The following UBE3B variants were observed in gnomAD, a reference collection of about 807,000 sequenced individuals.
UBE3B encodes the protein ubiquitin protein ligase E3B, also known as ubiquitin-protein ligase E3B.
UBE3B carries 80 observed loss-of-function variants against 132.3 expected under a neutral mutation model. The observed-to-expected ratio is 0.60, with a 90% CI of 0.50 to 0.73. The LOEUF (loss-of-function observed/expected upper bound fraction) is 0.73, where lower values mean the gene tolerates loss of function less well. UBE3B is among the 30% of genes least tolerant of loss of function. The pLI is 0.00. For synonymous variants in UBE3B, 487 were observed against 520.4 expected, an observed-to-expected ratio of 0.94 and a Z score of 0.87; for missense variants, 1,196 against 1,362.5, an observed-to-expected ratio of 0.88 and a Z score of 1.92.
rs762004822 is a variant in UBE3B, at chr12:109,483,892, G to A, written c.193G>A (p.Asp65Asn). 1.9e-6 allele frequency: 3 copies of A among 1,613,402 alleles called. No homozygotes were observed. ...REIDDFFKAD[D>N]PESTKRSALC... ...GATTGATGACTTTTTTAAAGCAGAT[G>A]ACCCTGAGTCCACTAAAAGAAGTGC... Residue 65 changes from aspartate to asparagine, a missense_variant, in exon 4 of 28, where the codon GAC becomes AAC. Coordinates refer to ENST00000342494, the MANE Select transcript of UBE3B (RefSeq NM_130466.4).
chr12:109,501,684 C>T (rs1464163072), intron 13 of UBE3B, 150 bp downstream of exon 13: 15 of 998,016 alleles, frequency 1.5e-5, no homozygotes, highest in Non-Finnish European at 1.7e-5. Flanking sequence ...CAGAGTCTCA[C>T]TGTATTGCCC....
intron 2 of UBE3B, among the ~76,000 whole-genome samples, chr12:109,482,123 C>A (rs780086334): frequency 1.3e-5 from 2 of 152,026 alleles, no homozygotes; most frequent in South Asian, 4.1e-4. Context: ...TTCAATAACA[C>A]GTAATTAATT....
Position 109,521,691 on chromosome 12 carries a change from T to C in UBE3B, c.2364+140T>C, listed in dbSNP as rs1881736752. 2.8e-6 allele frequency: 2 copies of C among 708,834 alleles called. No homozygotes were observed. The highest frequency in any genetic ancestry group is 3.6e-5 in the African/African-American group (2 of 56,334). 43.9% of individuals were successfully genotyped at this position (708,834 alleles called of 1,614,324 possible). On this transcript the variant is annotated intron_variant, in intron 21 of 27. Coordinates refer to ENST00000342494, the MANE Select transcript of UBE3B (RefSeq NM_130466.4). The surrounding 1 kb of genome is among the most constrained non-coding windows in gnomAD (Gnocchi z 4.2). Reference sequence around the variant, plus strand: ...GCGAGGACAGGGGCAGGAACCAAGGTTTGTTGTACACCAGTGCTAGGTACT... The same window carrying C: ...GCGAGGACAGGGGCAGGAACCAAGGCTTGTTGTACACCAGTGCTAGGTACT...
chr12:109,532,833 A>T (rs1451768146), intron 26 of UBE3B, among the ~76,000 whole-genome samples: 1 of 152,108 alleles, frequency 6.6e-6, no homozygotes, highest in South Asian at 2.1e-4. Context: ...CAGTGTGCTG[A>T]GAGGTTATTA....
intron 1 of UBE3B, among the ~76,000 whole-genome samples, chr12:109,480,288 T>C (rs1875151590): frequency 6.6e-6 from 1 of 151,832 alleles, no homozygotes; most frequent in Non-Finnish European, 1.5e-5. Flanking sequence ...CCTCCATAGG[T>C]ACCTGATAAG....
In UBE3B at chr12:109,530,677, A is replaced by G. The variant is rs774829351; in HGVS notation, c.2922+19A>G. ...TCTGAAGGTATTTTATTTATTACCTATGCATGCATGCATGTATTCTCATAA... is the reference window on the plus strand; with the variant it reads ...TCTGAAGGTATTTTATTTATTACCTGTGCATGCATGCATGTATTCTCATAA... On this transcript the variant is annotated intron_variant, in intron 26 of 27. Coordinates refer to ENST00000342494, the MANE Select transcript of UBE3B (RefSeq NM_130466.4). The G allele has an allele frequency of 1.8e-5, 28 of 1,589,114 alleles. No individual in the cohort carries two copies. Among genetic ancestry groups the G allele is most frequent in the Non-Finnish European group, 2.2e-5 (26 of 1,157,812 alleles).
rs138717457 is a variant in UBE3B, at chr12:109,510,424, C to T, written c.1822C>T (p.Arg608Trp). 5.6e-5 allele frequency: 91 copies of T among 1,612,764 alleles called. 1 individual carries two copies. The African/African-American group carries it at 7.6e-4, about 13-fold the overall frequency. ...GGTGCTGTACGAGCGGGACTGCCGG[C>T]GGCGCTTCACCCCCGAGGACCACTG... is the stretch of plus-strand genomic sequence containing the variant. ...LMVLYERDCR[R>W]RFTPEDHWLR... The change falls in exon 17 of 28, where the codon CGG becomes TGG. Residue 608 changes from arginine to tryptophan, a missense_variant. Coordinates refer to ENST00000342494, the MANE Select transcript of UBE3B (RefSeq NM_130466.4).
intron 18 of UBE3B, 77 bp from the exon 19 acceptor site, chr12:109,516,688 G>C: frequency 6.4e-7 from 1 of 1,572,344 alleles, no homozygotes; most frequent in Non-Finnish European, 8.6e-7. Flanking sequence ...TTCAGTTTCA[G>C]TCATTTTTGC....
the UBE3B span, among the ~76,000 whole-genome samples, chr12:109,544,671 G>A: frequency 6.6e-6 from 1 of 152,276 alleles, no homozygotes; most frequent in Admixed American, 6.5e-5. Context: ...ACTCTTGGGT[G>A]TCACTGGGGA....
At chr12:109,546,250 TG>T in the UBE3B span, among the ~76,000 whole-genome samples, 1 of 152,084 alleles carries the variant, frequency 6.6e-6, no homozygotes, top group Non-Finnish European at 1.5e-5. Context: ...CAGGGGCCCC[TG>T]GTGAATAGGC....
downstream of UBE3B, among the ~76,000 whole-genome samples, chr12:109,540,613 C>G (rs926481229): frequency 6.6e-6 from 1 of 152,214 alleles, no homozygotes; most frequent in African/African-American, 2.4e-5. Context: ...AAGGAAGACA[C>G]TTGTCGGAAT....
intron 14 of UBE3B, 62 bp from the exon 15 acceptor site, chr12:109,507,502 G>A: frequency 6.5e-7 from 1 of 1,548,600 alleles, no homozygotes; most frequent in Non-Finnish European, 8.7e-7. Flanking sequence ...CACTGGATAG[G>A]AGAAATAACA....
At chr12:109,531,496 T>G (rs924502934) in intron 26 of UBE3B, among the ~76,000 whole-genome samples, 1 of 152,248 alleles carries the variant, frequency 6.6e-6, no homozygotes, top group Non-Finnish European at 1.5e-5. Flanking sequence ...ATTTAGTGCC[T>G]TGAAATGTTT....
chr12:109,483,960 C>T lies in UBE3B; in HGVS notation c.261C>T (p.Phe87=). 6.2e-7 allele frequency: 1 copy of T among 1,613,738 alleles called. No homozygotes were observed. Among genetic ancestry groups the T allele is most frequent in the South Asian group, 1.1e-5 (1 of 90,914 alleles). Residue 87 remains phenylalanine (F), a synonymous_variant, in exon 4 of 28, where the codon TTC becomes TTT. Transcript: ENST00000342494. ...FKIARKLLFL[F]RIKEDNERFE... ...TTGCCAGGAAACTGCTGTTCCTATT[C>T]AGAATCAAAGAGGATAATGAGGTAA... is the stretch of plus-strand genomic sequence containing the variant.
At position 109,524,007 on chromosome 12, in the gene UBE3B, C is replaced by T; in HGVS notation, c.2394C>T (p.Ser798=). 1 of 1,614,218 alleles carries T rather than the reference C, an allele frequency of 6.2e-7. No individual in the cohort carries two copies. The highest frequency in any genetic ancestry group is 8.5e-7 in the Non-Finnish European group (1 of 1,180,044). The change falls in exon 22 of 28, where the codon TCC becomes TCT. Residue 798 remains serine, a synonymous_variant. Coordinates refer to ENST00000342494, the MANE Select transcript of UBE3B (RefSeq NM_130466.4). ...EGIVVDVPFA[S]FFLSQLLGHH... ...TTGTGGTGGACGTGCCATTTGCATC[C>T]TTCTTCCTGAGCCAACTGCTTGGGC...
intron 24 of UBE3B, chr12:109,528,209 G>T: frequency 2.2e-6 from 1 of 446,480 alleles, no homozygotes; most frequent in Non-Finnish European, 3.0e-6. Context: ...CTCTTTAGGG[G>T]TGATACTTGA....
intron 26 of UBE3B, among the ~76,000 whole-genome samples, chr12:109,531,758 C>A (rs1022635770): frequency 4.6e-5 from 7 of 152,044 alleles, no homozygotes; most frequent in African/African-American, 1.7e-4. Flanking sequence ...CTGGGAGAAT[C>A]AGTTCAGTTT....
At position 109,524,172 on chromosome 12, in the gene UBE3B, C is replaced by T. The variant is rs140834231; in HGVS notation, c.2502+57C>T. The T allele has an allele frequency of 2.3e-4, 364 of 1,604,890 alleles. No homozygotes were observed. In the African/African-American group the frequency reaches 3.8e-3, roughly 17 times the overall value. On this transcript the variant is annotated intron_variant, in intron 22 of 27. Transcript: ENST00000342494. ...AGCACTGGTGTGAACTCACAGCTTG[C>T]GAAGTCCCAGAAGGAGATGGCCTGT...
intron 16 of UBE3B, among the ~76,000 whole-genome samples, 188 bp downstream of exon 16, chr12:109,509,902 G>A (rs1355276127): frequency 6.6e-6 from 1 of 152,204 alleles, no homozygotes; most frequent in Non-Finnish European, 1.5e-5. Flanking sequence ...TGTGGTTATA[G>A]AAGTCTTGCT....
Sources: allele counts gnomAD v4.1 joint callset (sites outside exome capture counted in the v4.1 genomes callset), GRCh38; gene constraint gnomAD v4.1.1; non-coding constraint Gnocchi (gnomAD v3.1); transcripts MANE v1.5; gene names NCBI Gene and HGNC (gene_info 2026-07-23, HGNC 2026-07-21).